Variants in EDEM2 observed in about 807,000 individuals in gnomAD.
EDEM2 encodes ER degradation enhancing alpha-mannosidase like protein 2.
Under a neutral mutation model 64.8 loss-of-function variants are expected in EDEM2, and 39 were observed. The ratio of observed to expected loss-of-function variants is 0.60; its 90% CI spans 0.47 to 0.79. EDEM2 has a LOEUF of 0.79. EDEM2 is among the 30% of genes least tolerant of loss of function. EDEM2 has a pLI of 0.00. For synonymous variants in EDEM2, 296 were observed against 291.5 expected, an observed-to-expected ratio of 1.02 and a Z score of -0.16; for missense variants, 609 against 731.3, an observed-to-expected ratio of 0.83 and a Z score of 1.93.
At chr20:35,117,710 G>T (rs6088720) in intron 10 of EDEM2, among the ~76,000 whole-genome samples, 1 of 152,100 alleles carries the variant, frequency 6.6e-6, no homozygotes, top group Non-Finnish European at 1.5e-5. Flanking sequence ...CAACACTGTA[G>T]GCTTTTCAGG....
intron 8 of EDEM2, 114 bp from the exon 9 acceptor site, chr20:35,124,148 C>G: frequency 7.6e-7 from 1 of 1,315,552 alleles, no homozygotes; most frequent in East Asian, 2.4e-5. Flanking sequence ...GAATCAATCC[C>G]TGAGTCTGCC....
At chr20:35,120,949 G>A (rs1600701593) in intron 9 of EDEM2, among the ~76,000 whole-genome samples, 3 of 152,040 alleles carry the variant, frequency 2.0e-5, no homozygotes, top group East Asian at 1.9e-4. Context: ...CAGCCATCAC[G>A]CTTCTCTCCT....
chr20:35,127,462 C>T (rs1040691144), intron 7 of EDEM2, among the ~76,000 whole-genome samples: 1 of 152,176 alleles, frequency 6.6e-6, no homozygotes, highest in Non-Finnish European at 1.5e-5. Context: ...CATATCTCTC[C>T]CCTAGATTGT....
intron 8 of EDEM2, among the ~76,000 whole-genome samples, chr20:35,125,969 A>G (rs957276164): frequency 1.3e-5 from 2 of 152,136 alleles, no homozygotes; most frequent in African/African-American, 4.8e-5. Flanking sequence ...CCAGTGGAGA[A>G]ACACCTGTTG....
chr20:35,136,593 C>CA (rs905392726), intron 5 of EDEM2, among the ~76,000 whole-genome samples: 2 of 150,490 alleles, frequency 1.3e-5, no homozygotes, highest in East Asian at 1.9e-4. Context: ...CCCATCTCTA[C>CA]AAAAAAAAAT....
intron 8 of EDEM2, 65 bp from the exon 9 acceptor site, chr20:35,124,099 G>A (rs540713129): frequency 1.9e-6 from 3 of 1,563,730 alleles, no homozygotes; most frequent in African/African-American, 2.7e-5. Context: ...ACAACCTTAA[G>A]AAAAGACAAA....
intron 6 of EDEM2, 120 bp from the exon 7 acceptor site, chr20:35,131,903 A>T: frequency 1.7e-6 from 2 of 1,204,788 alleles, no homozygotes; most frequent in South Asian, 1.5e-5. Flanking sequence ...GCTTCTTGGG[A>T]AACATGCAGA....
Position 35,126,393 on chromosome 20 carries a change from G to C in EDEM2, c.845-18C>G. ...GTTATACTCTGCAGTGGGGGAGATG[G>C]GATAATGGACATATGAGTGATTAGG... On this transcript the variant is annotated intron_variant, in intron 7 of 10. Transcript: ENST00000374492. The C allele has an allele frequency of 6.2e-7, 1 of 1,612,996 alleles. No individual in the cohort carries two copies. Among genetic ancestry groups the C allele is most frequent in the Non-Finnish European group, 8.5e-7 (1 of 1,179,672 alleles).
At chr20:35,123,837 G>A (rs757133105) in intron 9 of EDEM2, 53 bp downstream of exon 9, 85 of 1,597,208 alleles carry the variant, frequency 5.3e-5, no homozygotes, top group Non-Finnish European at 7.0e-5. Flanking sequence ...GGGGATTTGG[G>A]GTTTCAGCAA....
At chr20:35,125,318 C>T (rs1181148279) in intron 8 of EDEM2, among the ~76,000 whole-genome samples, 2 of 151,892 alleles carry the variant, frequency 1.3e-5, no homozygotes, top group East Asian at 3.9e-4. Context: ...ACTGCAGTCT[C>T]CTGAGTAGCT....
At chr20:35,138,189 C>T (rs2085603640) in intron 4 of EDEM2, among the ~76,000 whole-genome samples, 184 bp from the exon 5 acceptor site, 1 of 152,234 alleles carries the variant, frequency 6.6e-6, no homozygotes. Flanking sequence ...GGGTGGCTCA[C>T]TGGGAAGGAG....
Position 35,147,218 on chromosome 20 carries a change from G to A in EDEM2, c.41C>T (p.Ala14Val). The A allele has an allele frequency of 6.3e-7, 1 of 1,599,832 alleles. No individual in the cohort carries two copies. The highest frequency in any genetic ancestry group is 8.5e-7 in the Non-Finnish European group (1 of 1,171,546). ...RLLIPLGLLC[A>V]LLPQHHGAPG... ...CGCACCATGGTGCTGAGGCAGCAGC[G>A]CGCACAGGAGGCCGAGCGGGATGAG... Residue 14 changes from alanine (A) to valine (V), a missense_variant, in exon 1 of 11, where the codon GCG becomes GTG. By Grantham distance (64) the Ala-to-Val change is moderately conservative (BLOSUM62 0). Coordinates refer to ENST00000374492, the MANE Select transcript of EDEM2 (RefSeq NM_018217.3).
chr20:35,119,949 C>G (rs771793564), intron 9 of EDEM2, among the ~76,000 whole-genome samples: 60 of 152,208 alleles, frequency 3.9e-4, no homozygotes, highest in Admixed American at 1.4e-3. Context: ...GAACCCCTGT[C>G]TCCTTTCTAT....
chr20:35,119,321 T>C (rs566851489), intron 9 of EDEM2, among the ~76,000 whole-genome samples: 8 of 152,160 alleles, frequency 5.3e-5, no homozygotes, highest in Admixed American at 5.2e-4. Flanking sequence ...CCAGGCATGG[T>C]GGGTGGCTCA....
At chr20:35,118,486 A>G in intron 10 of EDEM2, 112 bp downstream of exon 10, 5 of 1,500,206 alleles carry the variant, frequency 3.3e-6, no homozygotes, top group Non-Finnish European at 2.7e-6. Context: ...GTATATCTCC[A>G]AGGTCCCTTC....
chr20:35,121,355 G>C (rs1245130123), intron 9 of EDEM2, among the ~76,000 whole-genome samples: 1 of 152,078 alleles, frequency 6.6e-6, no homozygotes. Context: ...TTCACAATAG[G>C]GTTTGTGCTC....
intron 7 of EDEM2, among the ~76,000 whole-genome samples, chr20:35,129,324 T>C (rs1275355849): frequency 2.0e-5 from 3 of 151,826 alleles, no homozygotes; most frequent in Non-Finnish European, 4.4e-5. Context: ...GGAGAATTGC[T>C]AGAACCCGGG....
chr20:35,126,711 G>A (rs948282131), intron 7 of EDEM2, among the ~76,000 whole-genome samples: 1 of 152,094 alleles, frequency 6.6e-6, no homozygotes. Flanking sequence ...TTGGGAGTTC[G>A]AGACCAGCCT....
chr20:35,147,167 T>A lies in EDEM2; in HGVS notation c.92A>T (p.Asp31Val), dbSNP rs1190255130. 4 of 1,602,296 alleles carry A rather than the reference T, an allele frequency of 2.5e-6. No homozygotes were observed. Among genetic ancestry groups the A allele is most frequent in the Non-Finnish European group, 3.4e-6 (4 of 1,173,164 alleles). The change falls in exon 1 of 11, where the codon GAT becomes GTT. Residue 31 changes from aspartate to valine, a missense_variant. Physicochemically the swap from Asp to Val is radical, Grantham distance 152. Coordinates refer to ENST00000374492, the MANE Select transcript of EDEM2 (RefSeq NM_018217.3). ...GAPGPDGSAP[D>V]PAHYRERVKA... Reference sequence around the variant, plus strand: ...CACAGTTCACCTGTAGTGGGCGGGATCTGGCGCGGAGCCGTCGGGACCTGG... The same window carrying A: ...CACAGTTCACCTGTAGTGGGCGGGAACTGGCGCGGAGCCGTCGGGACCTGG...
Sources: allele counts gnomAD v4.1 joint callset (sites outside exome capture counted in the v4.1 genomes callset), GRCh38; gene constraint gnomAD v4.1.1; transcripts MANE v1.5; gene names NCBI Gene and HGNC (gene_info 2026-07-23, HGNC 2026-07-21).